The following FGF14 variants were observed in gnomAD, a reference collection of about 807,000 sequenced individuals.
FGF14 encodes the protein fibroblast growth factor homologous factor 4.
A neutral mutation model predicts 25.5 loss-of-function variants in FGF14; 5 were observed. The observed-to-expected ratio is 0.20, with a 90% confidence interval of 0.10 to 0.41. The LOEUF (loss-of-function observed/expected upper bound fraction) is 0.41. Ranked by LOEUF, FGF14 falls within the 10% of genes least tolerant of loss-of-function variation. The probability of loss-of-function intolerance (pLI) is 1.00; values close to 1 mark genes in which losing one functional copy is unlikely to be tolerated. For synonymous variants in FGF14, 138 were observed against 118.3 expected (o/e 1.17, Z -1.08); for missense variants, 222 against 320.1 (o/e 0.69, Z 2.34).
chr13:102,385,189 A>C (rs1464843485), intron 1 of FGF14, among the ~76,000 whole-genome samples: 1 of 152,202 alleles, frequency 6.6e-6, no homozygotes. Flanking sequence ...TACTGACTAC[A>C]TATTTTTTCT....
At chr13:102,167,701 T>G (rs895119632) in intron 1 of FGF14, among the ~76,000 whole-genome samples, 1 of 151,814 alleles carries the variant, frequency 6.6e-6, no homozygotes, top group Non-Finnish European at 1.5e-5. Context: ...AAGAACAGTA[T>G]ACAAGTGGGA....
intron 1 of FGF14, among the ~76,000 whole-genome samples, chr13:102,048,009 T>C (rs1457329274): frequency 6.6e-6 from 1 of 151,066 alleles, no homozygotes; most frequent in Non-Finnish European, 1.5e-5. Context: ...GTTTATTATC[T>C]TAGTTGTTTA....
At chr13:102,245,187 A>G (rs1180570732) in intron 1 of FGF14, among the ~76,000 whole-genome samples, 3 of 152,086 alleles carry the variant, frequency 2.0e-5, no homozygotes. Flanking sequence ...AGTCATATCT[A>G]TACAAAGACA....
chr13:102,037,741 C>A (rs559838080), intron 1 of FGF14, among the ~76,000 whole-genome samples: 4 of 152,256 alleles, frequency 2.6e-5, no homozygotes, highest in African/African-American at 9.6e-5. Flanking sequence ...TAAAGAAAAT[C>A]AGTTGCACAT....
rs1399910453 is a variant in FGF14, at chr13:101,713,045, CGCAAGAAGTT to C, written c.*9776_*9785del. ...ACTAAATACAATTATGCCATAGCTACGCAAGAAGTTAAAAAACACAATTGTCACAATCTAA... is the reference window on the plus strand; with the variant it reads ...ACTAAATACAATTATGCCATAGCTACAAAAAACACAATTGTCACAATCTAA... On this transcript the variant is annotated 3_prime_UTR_variant, in exon 5 of 5. Coordinates refer to ENST00000376143, the MANE Select transcript of FGF14 (RefSeq NM_004115.4). 1 of 152,170 alleles carries C rather than the reference CGCAAGAAGTT, an allele frequency of 6.6e-6. No individual in the cohort carries two copies. The highest frequency in any genetic ancestry group is 2.4e-5 in the African/African-American group (1 of 41,440). 9.4% of individuals were successfully genotyped at this position (152,170 alleles called of 1,614,324 possible). A position where few individuals can be genotyped will look rare whatever the true frequency, so the allele number is the denominator to read the frequency against.
upstream of FGF14, among the ~76,000 whole-genome samples, chr13:101,919,649 C>A (rs577193356): frequency 8.6e-5 from 13 of 152,040 alleles, no homozygotes; most frequent in African/African-American, 3.1e-4. Context: ...CCCGCCCCAG[C>A]CCTACCTCTC....
chr13:101,894,248 T>C (rs756233867), intron 1 of FGF14, among the ~76,000 whole-genome samples: 5 of 152,102 alleles, frequency 3.3e-5, no homozygotes, highest in African/African-American at 7.2e-5. Context: ...GAAGAGAAGA[T>C]AGAAAAATGA....
chr13:102,386,355 C>A (rs569945701), intron 1 of FGF14, among the ~76,000 whole-genome samples: 1 of 152,020 alleles, frequency 6.6e-6, no homozygotes, highest in Non-Finnish European at 1.5e-5. Context: ...TGGTCTCGAA[C>A]CCCTGACCTC....
At chr13:102,216,186 G>T (rs2050362581) in intron 1 of FGF14, among the ~76,000 whole-genome samples, 1 of 152,308 alleles carries the variant, frequency 6.6e-6, no homozygotes, top group South Asian at 2.1e-4. Context: ...TCAATCCAGA[G>T]CCCAAATCTA....
chr13:101,952,520 T>C (rs2036236222), intron 1 of FGF14, among the ~76,000 whole-genome samples: 1 of 152,184 alleles, frequency 6.6e-6, no homozygotes, highest in South Asian at 2.1e-4. Context: ...ATCTGAATGA[T>C]GAAACGACAC....
chr13:102,382,346 TA>T (rs1478380168), intron 1 of FGF14, among the ~76,000 whole-genome samples: 1 of 152,102 alleles, frequency 6.6e-6, no homozygotes, highest in African/African-American at 2.4e-5. Context: ...TCTCCAAAGA[TA>T]TACAATTGGT....
At chr13:101,794,127 T>C (rs4772413) in intron 3 of FGF14, among the ~76,000 whole-genome samples, 138,594 of 151,890 alleles carry the variant, frequency 0.91, 64,530 homozygotes, top group East Asian at 1. Flanking sequence ...TTTTTTGCTT[T>C]ATCTGTTTTT....
At chr13:102,188,449 C>T (rs2048958723) in intron 1 of FGF14, among the ~76,000 whole-genome samples, 2 of 152,166 alleles carry the variant, frequency 1.3e-5, no homozygotes, top group Non-Finnish European at 2.9e-5. Context: ...ATTATTTAAC[C>T]TCTCCAAGCT....
intron 3 of FGF14, among the ~76,000 whole-genome samples, chr13:101,738,501 G>T (rs112439388): frequency 6.6e-6 from 1 of 152,078 alleles, no homozygotes; most frequent in Admixed American, 6.6e-5. Flanking sequence ...CCAGATTCTG[G>T]CAACAACTTG....
intron 1 of FGF14, among the ~76,000 whole-genome samples, chr13:101,887,941 G>A (rs970494090): frequency 6.6e-6 from 1 of 152,166 alleles, no homozygotes; most frequent in Non-Finnish European, 1.5e-5. Flanking sequence ...TAATCCAGGT[G>A]GTTAGTGGAA....
intron 1 of FGF14, among the ~76,000 whole-genome samples, chr13:102,288,031 C>A (rs2054192910): frequency 6.6e-6 from 1 of 152,304 alleles, no homozygotes; most frequent in Admixed American, 6.5e-5. Flanking sequence ...ATAAAGTAGT[C>A]TTTGAAGTTG....
At chr13:102,176,454 T>C (rs2048454285) in intron 1 of FGF14, among the ~76,000 whole-genome samples, 2 of 152,048 alleles carry the variant, frequency 1.3e-5, no homozygotes, top group South Asian at 4.1e-4. Flanking sequence ...GGGTGAAAAA[T>C]TGCCTATTGG....
chr13:102,350,832 G>A (rs1343798123), intron 1 of FGF14, among the ~76,000 whole-genome samples: 1 of 152,172 alleles, frequency 6.6e-6, no homozygotes, highest in African/African-American at 2.4e-5. Flanking sequence ...AGTTTCTCTC[G>A]AATGTCTATT....
At chr13:101,909,499 C>G (rs1324393164) in intron 1 of FGF14, among the ~76,000 whole-genome samples, 1 of 152,196 alleles carries the variant, frequency 6.6e-6, no homozygotes, top group Non-Finnish European at 1.5e-5. Context: ...AAATGCTCAT[C>G]ATCACTGGCC....
Sources: allele counts gnomAD v4.1 joint callset (sites outside exome capture counted in the v4.1 genomes callset), GRCh38; gene constraint gnomAD v4.1.1; transcripts MANE v1.5; gene names NCBI Gene and HGNC (gene_info 2026-07-23, HGNC 2026-07-21).